The following CIITA variants were observed in gnomAD, a reference collection of about 807,000 sequenced individuals.
CIITA encodes class II major histocompatibility complex transactivator.
CIITA carries 72 observed loss-of-function variants against 115.1 expected under a neutral mutation model. The observed-to-expected ratio is 0.63, with a 90% CI of 0.52 to 0.76. The LOEUF is 0.76. Ranked by LOEUF, CIITA falls within the 30% of genes least tolerant of loss-of-function variation. CIITA has a pLI of 0.00. For missense variants in CIITA, 1,617 were observed against 1,463.8 expected, an observed-to-expected ratio of 1.10 and a Z score of -1.71; for synonymous variants, 763 against 635.6, an observed-to-expected ratio of 1.20 and a Z score of -3.02.
intron 13 of CIITA, chr16:10,915,211 G>T (rs1478773907): frequency 5.3e-6 from 2 of 375,218 alleles, no homozygotes; most frequent in South Asian, 4.2e-5. Context: ...CACCACACTT[G>T]GCTAATTATT....
At chr16:10,876,615 C>T (rs2035862804), upstream of CIITA, among the ~76,000 whole-genome samples, 2 of 152,228 alleles carry the variant, frequency 1.3e-5, no homozygotes, top group Non-Finnish European at 2.9e-5. Context: ...TATTATTTAG[C>T]ATCACTTTGG....
At chr16:10,874,979 T>G (rs1259081006), upstream of CIITA, among the ~76,000 whole-genome samples, 1 of 151,828 alleles carries the variant, frequency 6.6e-6, no homozygotes, top group Non-Finnish European at 1.5e-5. Flanking sequence ...TTTTTTTTTC[T>G]TTTTTTTGAG....
rs1446077562 is a variant in CIITA, at chr16:10,933,605, A to T, written c.*9750A>T. 1.3e-5 allele frequency: 2 copies of T among 152,190 alleles called. No individual in the cohort carries two copies. Among genetic ancestry groups the T allele is most frequent in the East Asian group, 3.9e-4 (2 of 5,190 alleles). 9.4% of individuals were successfully genotyped at this position (152,190 alleles called of 1,614,324 possible). A position where few individuals can be genotyped will look rare whatever the true frequency, so the allele number is the denominator to read the frequency against. ...TTGTGTCCATGGAGTGCCTGACAATACCCAGCACACACGAGACATCAGTAC... is the reference window on the plus strand; with the variant it reads ...TTGTGTCCATGGAGTGCCTGACAATTCCCAGCACACACGAGACATCAGTAC... On this transcript the variant is annotated 3_prime_UTR_variant, in exon 20 of 20. Coordinates refer to ENST00000324288, the MANE Select transcript of CIITA (RefSeq NM_000246.4).
chr16:10,882,721 A>G (rs1323263974), intron 1 of CIITA, among the ~76,000 whole-genome samples: 1 of 152,118 alleles, frequency 6.6e-6, no homozygotes, highest in African/African-American at 2.4e-5. Flanking sequence ...AACATGGTGA[A>G]ACACCGTCTC....
chr16:10,914,362 G>C (rs1472848912), intron 13 of CIITA, among the ~76,000 whole-genome samples: 1 of 152,192 alleles, frequency 6.6e-6, no homozygotes, highest in Non-Finnish European at 1.5e-5. Context: ...AGTGTTCTCA[G>C]ACTTCAGGAT....
chr16:10,889,146 G>A (rs2144008940), intron 1 of CIITA, among the ~76,000 whole-genome samples: 2 of 152,304 alleles, frequency 1.3e-5, no homozygotes, highest in Middle Eastern at 6.8e-3. Context: ...CCCTCAGGGA[G>A]AGCTGAAGGG....
chr16:10,913,315 TTTTC>T (rs2039714219), intron 13 of CIITA: 1 of 152,390 alleles, frequency 6.6e-6, no homozygotes, highest in Non-Finnish European at 1.5e-5. Flanking sequence ...CTTTTTCCTT[TTTTC>T]TTTTTCTTTT....
At chr16:10,936,650 G>A (rs944675859), downstream of CIITA, 2 of 152,244 alleles carry the variant, frequency 1.3e-5, no homozygotes, top group African/African-American at 4.8e-5. Flanking sequence ...TTGGAAGAGT[G>A]CGTATGAAAT....
At position 10,906,646 on chromosome 16, in the gene CIITA, C is replaced by G. The variant is rs778649467; in HGVS notation, c.1154C>G (p.Pro385Arg). 2 of 1,613,864 alleles carry G rather than the reference C, an allele frequency of 1.2e-6. No homozygotes were observed. The highest frequency in any genetic ancestry group is 1.7e-6 in the Non-Finnish European group (2 of 1,179,970). The change falls in exon 11 of 20, where the codon CCG (proline) becomes CGG (arginine). Residue 385 changes from proline to arginine, a missense_variant. Transcript: ENST00000324288. ...SKSLERELAT[P>R]DWAERQLAQG... Reference sequence around the variant, plus strand: ...AGCCTGGAGCGGGAACTGGCCACCCCGGACTGGGCAGAACGGCAGCTGGCC... The same window carrying G: ...AGCCTGGAGCGGGAACTGGCCACCCGGGACTGGGCAGAACGGCAGCTGGCC...
chr16:10,874,449 C>A (rs1022232179), upstream of CIITA, among the ~76,000 whole-genome samples: 1 of 152,214 alleles, frequency 6.6e-6, no homozygotes, highest in Non-Finnish European at 1.5e-5. Context: ...CATCCCCACA[C>A]CCTCACCTGC....
intron 5 of CIITA, among the ~76,000 whole-genome samples, chr16:10,900,017 G>T (rs1278227282): frequency 6.6e-6 from 1 of 152,104 alleles, no homozygotes; most frequent in East Asian, 1.9e-4. Flanking sequence ...GGAGGTGGAG[G>T]TTGCAGTGAG....
rs371896170 is a variant in CIITA, at chr16:10,902,927, C to A, written c.772+126C>A. ...GCACCTTCTCATGATCCTCCCTCCC[C>A]AGCACAACTTTCTCTGTCCCTATTT... On this transcript the variant is annotated intron_variant, in intron 8 of 19. Coordinates refer to ENST00000324288, the MANE Select transcript of CIITA (RefSeq NM_000246.4). 2.8e-5 allele frequency: 33 copies of A among 1,162,640 alleles called. No individual in the cohort carries two copies. The East Asian group carries it at 6.4e-4, about 23-fold the overall frequency. The allele number at this position is 1,162,640 out of a possible 1,614,324, so 72.0% of individuals were successfully genotyped here.
chr16:10,907,635 T>C lies in CIITA; in HGVS notation c.2143T>C (p.Cys715Arg). ...ELAFPSFLLQ[C>R]FLGALWLALS... ...GGCCTTCCCCAGCTTCCTCCTGCAATGCTTCCTGGGGGCCCTGTGGCTGGC... is the reference window on the plus strand; with the variant it reads ...GGCCTTCCCCAGCTTCCTCCTGCAACGCTTCCTGGGGGCCCTGTGGCTGGC... Residue 715 changes from cysteine to arginine, a missense_variant, in exon 11 of 20, where the codon TGC becomes CGC. Transcript: ENST00000324288. The surrounding 1 kb of genome is among the most constrained non-coding windows in gnomAD (Gnocchi z 5.0). 6.2e-7 allele frequency: 1 copy of C among 1,614,190 alleles called. No individual in the cohort carries two copies. Among genetic ancestry groups the C allele is most frequent in the Non-Finnish European group, 8.5e-7 (1 of 1,180,018 alleles).
intron 1 of CIITA, among the ~76,000 whole-genome samples, chr16:10,894,293 C>T (rs986598341): frequency 6.6e-6 from 1 of 152,178 alleles, no homozygotes; most frequent in Non-Finnish European, 1.5e-5. Context: ...TGTATCAGTG[C>T]TTTCTCCCTT....
At chr16:10,941,331 T>C, downstream of CIITA, 1 of 190,862 alleles carries the variant, frequency 5.2e-6, no homozygotes, top group Non-Finnish European at 1.0e-5. This position sits in a 1 kb window ranked among gnomAD's most constrained non-coding sequence, Gnocchi z 6.4. Context: ...CTACCCCAAA[T>C]GTAACTTAGT....
rs760417209 is a variant in CIITA at position 10,941,751 on chromosome 16, C to G, written n.877C>G. ...AGTACGCATCAAAGACGTCGAGCTC[C>G]GAGTCAGCATCGTAAAGGCCCGAGC... On this transcript the variant is annotated non_coding_transcript_exon_variant, in exon 2 of 2. Transcript: ENST00000573379. This position sits in a 1 kb window ranked among gnomAD's most constrained non-coding sequence, Gnocchi z 6.4. 13 of 1,612,082 alleles carry G rather than the reference C, an allele frequency of 8.1e-6. No homozygotes were observed. Among genetic ancestry groups the G allele is most frequent in the Admixed American group, 1.7e-5 (1 of 59,856 alleles).
Position 10,902,158 on chromosome 16 carries a change from G to T in CIITA, c.602G>T (p.Arg201Leu), listed in dbSNP as rs563299137. ...FNQEPASGQMRLEKTDQIPMP... is the reference protein window; with the variant it reads ...FNQEPASGQMLLEKTDQIPMP... The stretch of plus-strand genomic sequence containing the variant: ...CAGGAGCCAGCCTCCGGCCAGATGC[G>T]CCTGGAGAAAACCGACCAGATTCCC... The change falls in exon 7 of 20, where the codon CGC (arginine) becomes CTC (leucine). Residue 201 changes from arginine (R) to leucine (L), a missense_variant. Arg to Leu is a moderately radical substitution (Grantham distance 102). Coordinates refer to ENST00000324288, the MANE Select transcript of CIITA (RefSeq NM_000246.4). The T allele has an allele frequency of 6.2e-7, 1 of 1,614,148 alleles. No individual in the cohort carries two copies. The highest frequency in any genetic ancestry group is 8.5e-7 in the Non-Finnish European group (1 of 1,180,030).
Position 10,901,464 on chromosome 16 carries a change from G to C in CIITA, c.437-50G>C, listed in dbSNP as rs767774238. 1.7e-5 allele frequency: 27 copies of C among 1,608,046 alleles called. No individual in the cohort carries two copies. Among genetic ancestry groups the C allele is most frequent in the South Asian group, 7.7e-5 (7 of 90,900 alleles). ...CTGCTAGAGTCCTGAGCCCCTTCTGGCTTGGGACATCCTCTCCCTGGGGCA... is the reference window on the plus strand; with the variant it reads ...CTGCTAGAGTCCTGAGCCCCTTCTGCCTTGGGACATCCTCTCCCTGGGGCA... On this transcript the variant is annotated intron_variant, in intron 5 of 19. Transcript: ENST00000324288. The surrounding 1 kb of genome is among the most constrained non-coding windows in gnomAD (Gnocchi z 6.8).
intron 1 of CIITA, among the ~76,000 whole-genome samples, chr16:10,891,901 C>A (rs376173363): frequency 6.6e-6 from 1 of 152,222 alleles, no homozygotes; most frequent in Non-Finnish European, 1.5e-5. Flanking sequence ...GCAGCCCCCG[C>A]TCAACCGTCA....
Sources: gnomAD v4.1 joint callset for allele counts (sites outside exome capture counted in the v4.1 genomes callset) on GRCh38, gnomAD v4.1.1 for gene constraint, Gnocchi (gnomAD v3.1) non-coding constraint, MANE v1.5 for transcripts, NCBI Gene and HGNC (gene_info 2026-07-23, HGNC 2026-07-21) for gene names.